RBFOX1: variants seen among roughly 807,000 people sequenced by gnomAD.
RBFOX1 encodes RNA binding protein fox-1 homolog 1.
RBFOX1 carries 8 observed loss-of-function variants against 57.7 expected under a neutral mutation model. The observed-to-expected ratio is 0.14, with a 90% CI of 0.08 to 0.25. The LOEUF (loss-of-function observed/expected upper bound fraction) is 0.25. Among genes scored for constraint, RBFOX1 ranks in the 10% least tolerant of loss-of-function variants. The probability of loss-of-function intolerance (pLI) is 1.00; values close to 1 mark genes in which losing one functional copy is unlikely to be tolerated. For synonymous variants in RBFOX1, 326 were observed against 222.4 expected, an observed-to-expected ratio of 1.47 and a Z score of -4.15; for missense variants, 611 against 548.5, an observed-to-expected ratio of 1.11 and a Z score of -1.14.
chr16:6,923,143 G>C (rs147511919), intron 3 of RBFOX1, among the ~76,000 whole-genome samples: 2 of 152,146 alleles, frequency 1.3e-5, no homozygotes, highest in Non-Finnish European at 2.9e-5. Flanking sequence ...AAAGCAGCTG[G>C]TCCAGTGTGA....
At chr16:6,465,187 G>A (rs1334890462) in intron 2 of RBFOX1, among the ~76,000 whole-genome samples, 2 of 152,176 alleles carry the variant, frequency 1.3e-5, no homozygotes, top group Non-Finnish European at 2.9e-5. Context: ...CAAAGTGGTT[G>A]TCTAAGACTA....
At chr16:6,841,115 A>G (rs922454400) in intron 3 of RBFOX1, among the ~76,000 whole-genome samples, 1 of 151,366 alleles carries the variant, frequency 6.6e-6, no homozygotes, top group Non-Finnish European at 1.5e-5. Context: ...TTTCTTGTGC[A>G]TTTGCTTAAG....
intron 1 of RBFOX1, among the ~76,000 whole-genome samples, chr16:6,086,341 A>T (rs939237632): frequency 6.6e-6 from 1 of 152,138 alleles, no homozygotes; most frequent in African/African-American, 2.4e-5. Context: ...CGTGCATTCC[A>T]TCTCTCACAT....
intron 3 of RBFOX1, among the ~76,000 whole-genome samples, chr16:6,715,265 A>C (rs13335047): frequency 0.3 from 14,501 of 48,294 alleles, 1,123 homozygotes; most frequent in Middle Eastern, 0.44. Context: ...AAAGTTTTAA[A>C]GTTTTTTTTT....
chr16:6,121,958 T>G (rs2096553165), intron 1 of RBFOX1, among the ~76,000 whole-genome samples: 2 of 152,180 alleles, frequency 1.3e-5, no homozygotes, highest in Non-Finnish European at 2.9e-5. Flanking sequence ...CAGGCTGGAG[T>G]GCAGTGGCAT....
chr16:6,238,790 A>G (rs186661100), intron 1 of RBFOX1, among the ~76,000 whole-genome samples: 1 of 152,104 alleles, frequency 6.6e-6, no homozygotes, highest in East Asian at 1.9e-4. Flanking sequence ...GTGGTTGTAT[A>G]TATTTATGGG....
intron 3 of RBFOX1, among the ~76,000 whole-genome samples, chr16:6,717,335 C>G (rs545486989): frequency 6.6e-6 from 1 of 152,206 alleles, no homozygotes; most frequent in East Asian, 1.9e-4. Flanking sequence ...GATAAATCTC[C>G]CCTTTTTTGT....
intron 1 of RBFOX1, among the ~76,000 whole-genome samples, chr16:6,093,122 C>G (rs185224387): frequency 3.3e-5 from 5 of 152,268 alleles, no homozygotes; most frequent in Admixed American, 3.3e-4. Flanking sequence ...AACTGGTTGG[C>G]TATCCCCAAA....
chr16:5,496,466 TC>T lies in RBFOX1; in HGVS notation c.258+29214del, dbSNP rs1165098063. Among the ~76,000 whole-genome samples the T allele has an allele frequency of 2.6e-5, 4 of 152,262 alleles. No homozygotes were observed. The East Asian group carries it at 7.7e-4, about 29-fold the overall frequency. On this transcript the variant is annotated intron_variant, in intron 2 of 2. Coordinates refer to the RBFOX1 transcript ENST00000585867. The stretch of plus-strand genomic sequence containing the variant: ...ATGTGTCCATCTCAGAGAGGCCTTT[TC>T]CATCTGCAGTGGTCTCTCTAGTCAC...
chr16:6,521,636 A>G (rs78910198), intron 2 of RBFOX1, among the ~76,000 whole-genome samples: 1,974 of 152,098 alleles, frequency 0.013, 45 homozygotes, highest in African/African-American at 0.045. Context: ...ATTATGTTTC[A>G]AAGAAATACT....
chr16:6,878,634 G>C (rs1428812736), intron 3 of RBFOX1, among the ~76,000 whole-genome samples: 2 of 152,170 alleles, frequency 1.3e-5, no homozygotes, highest in East Asian at 1.9e-4. Context: ...GTCAAGGAAA[G>C]TCACTGTGGT....
At chr16:7,062,813 C>G (rs562682206) in intron 4 of RBFOX1, among the ~76,000 whole-genome samples, 6 of 150,164 alleles carry the variant, frequency 4.0e-5, no homozygotes, top group African/African-American at 9.8e-5. Flanking sequence ...CAGATTCACC[C>G]TGATTCCTGC....
At chr16:6,427,575 C>T (rs1316305729) in intron 2 of RBFOX1, among the ~76,000 whole-genome samples, 1 of 118,806 alleles carries the variant, frequency 8.4e-6, no homozygotes, top group Non-Finnish European at 1.6e-5. Context: ...GTTGAATTCT[C>T]CTTACACCTT....
intron 4 of RBFOX1, among the ~76,000 whole-genome samples, chr16:7,350,237 C>G (rs947946736): frequency 6.6e-6 from 1 of 152,034 alleles, no homozygotes; most frequent in Non-Finnish European, 1.5e-5. Flanking sequence ...ATCTGATTGA[C>G]AAGTAGGTGC....
chr16:7,137,113 CTAAAA>C (rs1191147938), intron 4 of RBFOX1, among the ~76,000 whole-genome samples: 1 of 152,188 alleles, frequency 6.6e-6, no homozygotes, highest in Non-Finnish European at 1.5e-5. Context: ...GTTAGATAGT[CTAAAA>C]TAAATACCTA....
intron 5 of RBFOX1, among the ~76,000 whole-genome samples, chr16:7,534,262 T>C (rs1173986819): frequency 1.3e-5 from 2 of 151,700 alleles, no homozygotes; most frequent in African/African-American, 4.8e-5. Flanking sequence ...AATTTTTTTT[T>C]TTGTATTTTT....
chr16:6,887,781 G>C (rs1603636822), intron 3 of RBFOX1, among the ~76,000 whole-genome samples: 1 of 151,806 alleles, frequency 6.6e-6, no homozygotes, highest in Non-Finnish European at 1.5e-5. Context: ...TCCAGCCTCA[G>C]CCTCCTGAGT....
intron 5 of RBFOX1, among the ~76,000 whole-genome samples, chr16:7,524,972 G>A (rs972590375): frequency 1.3e-5 from 2 of 152,102 alleles, no homozygotes; most frequent in South Asian, 4.1e-4. Context: ...CATTGGAAAA[G>A]GATATAAAAT....
intron 4 of RBFOX1, among the ~76,000 whole-genome samples, chr16:5,985,421 C>A (rs932300790): frequency 2.0e-5 from 3 of 152,072 alleles, no homozygotes; most frequent in African/African-American, 7.2e-5. Context: ...ATAATAGTTG[C>A]TATTATGATT....
Sources: allele counts gnomAD v4.1 joint callset (sites outside exome capture counted in the v4.1 genomes callset), GRCh38; gene constraint gnomAD v4.1.1; transcripts MANE v1.5; gene names NCBI Gene and HGNC (gene_info 2026-07-23, HGNC 2026-07-21).